Variants in SORCS2 observed in about 807,000 individuals in gnomAD.
The protein encoded by SORCS2 is sortilin related VPS10 domain containing receptor 2, also known as VPS10 domain-containing receptor SorCS2.
SORCS2 carries 100 observed loss-of-function variants against 141.6 expected under a neutral mutation model. That is an observed-to-expected ratio of 0.71 (90% CI 0.60 to 0.83). SORCS2 has a LOEUF of 0.83. SORCS2 is among the 40% of genes least tolerant of loss of function. The pLI, the probability that SORCS2 is intolerant of heterozygous loss-of-function variation, is 0.00. For missense variants in SORCS2, 1,646 were observed against 1,560.2 expected, an observed-to-expected ratio of 1.05 and a Z score of -0.93; for synonymous variants, 789 against 676.9, an observed-to-expected ratio of 1.17 and a Z score of -2.57.
At chr4:7,524,873 G>A (rs185390433) in intron 2 of SORCS2, among the ~76,000 whole-genome samples, 3 of 152,240 alleles carry the variant, frequency 2.0e-5, no homozygotes, top group African/African-American at 4.8e-5. Flanking sequence ...CAAGCTTGGC[G>A]AGTGCACCGC....
In SORCS2 at chr4:7,334,651, C is replaced by A. The variant is rs531752108; in HGVS notation, c.481-61637C>A. On this transcript the variant is annotated intron_variant, in intron 1 of 26. Transcript: ENST00000507866. The stretch of plus-strand genomic sequence containing the variant: ...TTCAGAGGCGGGGAGTGTGCACATG[C>A]GCTGAGGACACAGGGGAGGTGGACA... Among the ~76,000 whole-genome samples the A allele has an allele frequency of 3.9e-5, 6 of 152,254 alleles. No individual in the cohort carries two copies. The East Asian group carries it at 1.2e-3, about 29-fold the overall frequency.
At chr4:7,618,750 T>C (rs1340459810) in intron 3 of SORCS2, among the ~76,000 whole-genome samples, 1 of 152,120 alleles carries the variant, frequency 6.6e-6, no homozygotes, top group African/African-American at 2.4e-5. Context: ...ACTTGCATCT[T>C]ATTACCTTGC....
chr4:7,390,645 G>C lies in SORCS2; in HGVS notation c.481-5643G>C, dbSNP rs184065720. Among the ~76,000 whole-genome samples the C allele has an allele frequency of 1.1e-3, 165 of 152,330 alleles. 1 individual carries two copies. Among genetic ancestry groups the C allele is most frequent in the African/African-American group, 3.8e-3 (158 of 41,588 alleles). The stretch of plus-strand genomic sequence containing the variant: ...CCCCACTGCACAAGAGCAGAGGGAA[G>C]TGGCCCAGGGTCTCAGAGGAGGCAC... On this transcript the variant is annotated intron_variant, in intron 1 of 26. Transcript: ENST00000507866.
At chr4:7,617,432 C>A (rs1178461946) in intron 3 of SORCS2, among the ~76,000 whole-genome samples, 1 of 152,184 alleles carries the variant, frequency 6.6e-6, no homozygotes, top group African/African-American at 2.4e-5. Context: ...TTATAGAGCT[C>A]CTCATATGCC....
At chr4:7,561,401 T>TACCCATCCATCC (rs1163436461) in intron 3 of SORCS2, among the ~76,000 whole-genome samples, 11 of 152,114 alleles carry the variant, frequency 7.2e-5, no homozygotes, top group African/African-American at 2.4e-4. Flanking sequence ...TACATCCATC[T>TACCCATCCATCC]ACCCATCCAT....
intron 1 of SORCS2, among the ~76,000 whole-genome samples, chr4:7,245,472 C>T (rs914742649): frequency 6.6e-6 from 1 of 152,234 alleles, no homozygotes; most frequent in African/African-American, 2.4e-5. Context: ...ATAACTTGGG[C>T]TTTAGAGTCA....
intron 2 of SORCS2, among the ~76,000 whole-genome samples, chr4:7,464,792 C>T (rs1035909497): frequency 6.6e-6 from 1 of 152,220 alleles, no homozygotes; most frequent in South Asian, 2.1e-4. Flanking sequence ...ATGGAATGTA[C>T]TTGTTTGTGC....
intron 1 of SORCS2, among the ~76,000 whole-genome samples, chr4:7,228,955 C>T (rs1251039791): frequency 3.3e-5 from 5 of 152,224 alleles, no homozygotes; most frequent in African/African-American, 4.8e-5. Flanking sequence ...GGCCCATTCC[C>T]GTGGCCAGGC....
chr4:7,617,062 C>T (rs1718809378), intron 3 of SORCS2, among the ~76,000 whole-genome samples: 1 of 152,218 alleles, frequency 6.6e-6, no homozygotes, highest in Non-Finnish European at 1.5e-5. Flanking sequence ...CCTCGTGGTG[C>T]CTGGTCCAGC....
chr4:7,249,603 T>A (rs1224081731), intron 1 of SORCS2, among the ~76,000 whole-genome samples: 2 of 152,312 alleles, frequency 1.3e-5, no homozygotes, highest in East Asian at 3.9e-4. Flanking sequence ...GGGGCTTTTC[T>A]GTGTCACTTC....
intron 1 of SORCS2, among the ~76,000 whole-genome samples, chr4:7,340,213 A>G (rs987887526): frequency 1.3e-5 from 2 of 152,256 alleles, no homozygotes; most frequent in Non-Finnish European, 2.9e-5. Flanking sequence ...AGGCTGAGCC[A>G]GCACCACAAC....
intron 1 of SORCS2, among the ~76,000 whole-genome samples, chr4:7,370,076 C>A (rs77057429): frequency 0.11 from 16,241 of 152,180 alleles, 1,576 homozygotes; most frequent in East Asian, 0.56. Context: ...AGTGCCCCCC[C>A]AGCTTAGCTG....
intron 1 of SORCS2, among the ~76,000 whole-genome samples, chr4:7,225,720 G>A (rs1728952797): frequency 6.6e-6 from 1 of 152,130 alleles, no homozygotes. Context: ...GGCCCACCAG[G>A]CTGTGCAGAC....
At chr4:7,465,879 G>A (rs1204114335) in intron 2 of SORCS2, among the ~76,000 whole-genome samples, 1 of 152,136 alleles carries the variant, frequency 6.6e-6, no homozygotes, top group Non-Finnish European at 1.5e-5. Flanking sequence ...TGGGAGGTGG[G>A]TTCTCTCATC....
At chr4:7,359,210 T>G (rs3896851) in intron 1 of SORCS2, among the ~76,000 whole-genome samples, 2 of 151,994 alleles carry the variant, frequency 1.3e-5, no homozygotes, top group Admixed American at 6.5e-5. Context: ...GCAGGAGAAT[T>G]GCTTGAACCC....
intron 3 of SORCS2, among the ~76,000 whole-genome samples, chr4:7,561,175 G>A (rs902580235): frequency 6.6e-6 from 1 of 152,142 alleles, no homozygotes; most frequent in Non-Finnish European, 1.5e-5. Context: ...CCAAATGGGG[G>A]CTTCGTGGCC....
chr4:7,676,932 C>T (rs1306576771), intron 9 of SORCS2, among the ~76,000 whole-genome samples: 1 of 65,706 alleles, frequency 1.5e-5, no homozygotes, highest in Non-Finnish European at 3.5e-5. Context: ...CCCTCTCTCC[C>T]TCTCTCCCTC....
intron 7 of SORCS2, among the ~76,000 whole-genome samples, chr4:7,665,080 T>C (rs532254765): frequency 6.6e-6 from 1 of 152,180 alleles, no homozygotes; most frequent in Non-Finnish European, 1.5e-5. Flanking sequence ...CGGACTCCCA[T>C]CCACTGGGTT....
intron 1 of SORCS2, among the ~76,000 whole-genome samples, chr4:7,196,861 A>G (rs1727202217): frequency 6.6e-6 from 1 of 152,154 alleles, no homozygotes; most frequent in Non-Finnish European, 1.5e-5. Context: ...CTGAGTTAAG[A>G]GGTCAAGAAC....
Sources: gnomAD v4.1 joint callset for allele counts (sites outside exome capture counted in the v4.1 genomes callset) on GRCh38, gnomAD v4.1.1 for gene constraint, MANE v1.5 for transcripts, NCBI Gene and HGNC (gene_info 2026-07-23, HGNC 2026-07-21) for gene names.